The following ATG4C variants were observed in gnomAD, a reference collection of about 807,000 sequenced individuals.
ATG4C encodes the protein autophagy related 4C cysteine peptidase.
Under a neutral mutation model 57.6 loss-of-function variants are expected in ATG4C, and 56 were observed. The ratio of observed to expected loss-of-function variants is 0.97; its 90% CI spans 0.78 to 1.21. The LOEUF (loss-of-function observed/expected upper bound fraction) is 1.21. Among genes scored for constraint, ATG4C ranks in the 50% most tolerant of loss-of-function variants. ATG4C has a pLI of 0.00. For synonymous variants in ATG4C, 157 were observed against 174.1 expected (o/e 0.90, Z 0.78); for missense variants, 595 against 529.8 (o/e 1.12, Z -1.21).
At chr1:62,833,758 G>A (rs765327893) in intron 7 of ATG4C, among the ~76,000 whole-genome samples, 4 of 152,086 alleles carry the variant, frequency 2.6e-5, no homozygotes, top group South Asian at 4.1e-4. Flanking sequence ...ATTGCCTTAC[G>A]GTGGTAAAAT....
chr1:62,816,868 C>A, intron 4 of ATG4C, 60 bp downstream of exon 4: 2 of 1,276,274 alleles, frequency 1.6e-6, no homozygotes, highest in South Asian at 1.6e-5. Context: ...CGATATTTTT[C>A]CATTTGAATT....
chr1:62,789,429 A>T (rs1415998883), intron 1 of ATG4C, among the ~76,000 whole-genome samples: 6 of 152,226 alleles, frequency 3.9e-5, no homozygotes, highest in African/African-American at 1.4e-4. Flanking sequence ...AAGATGTTCC[A>T]GCCTCACCTT....
intron 1 of ATG4C, among the ~76,000 whole-genome samples, chr1:62,798,041 T>G (rs1266549896): frequency 6.6e-6 from 1 of 152,128 alleles, no homozygotes; most frequent in African/African-American, 2.4e-5. Context: ...AGGCAGGTCT[T>G]GAACTCCTGA....
intron 7 of ATG4C, among the ~76,000 whole-genome samples, chr1:62,829,764 C>A (rs531227901): frequency 1.3e-5 from 2 of 152,072 alleles, no homozygotes; most frequent in African/African-American, 4.8e-5. Flanking sequence ...GTTATGGTAT[C>A]TTGTTTTGGG....
intron 6 of ATG4C, among the ~76,000 whole-genome samples, chr1:62,827,798 T>C (rs1166423137): frequency 7.0e-5 from 7 of 99,582 alleles, no homozygotes; most frequent in Non-Finnish European, 1.3e-4. Flanking sequence ...TTTCTGCTCC[T>C]CTCTCTCCTC....
intron 10 of ATG4C, among the ~76,000 whole-genome samples, chr1:62,861,486 A>AGTGAGCC (rs1339633291): frequency 6.6e-6 from 1 of 151,920 alleles, no homozygotes; most frequent in East Asian, 1.9e-4. Flanking sequence ...TCGAGGCTGC[A>AGTGAGCC]GTGAGCCGTG....
chr1:62,814,328 A>C (rs1049227372), intron 3 of ATG4C, among the ~76,000 whole-genome samples: 3 of 152,198 alleles, frequency 2.0e-5, no homozygotes, highest in Non-Finnish European at 4.4e-5. Context: ...CATCCTTCTC[A>C]GCAGACTAAC....
At chr1:62,792,926 G>A (rs1206350964) in intron 1 of ATG4C, among the ~76,000 whole-genome samples, 1 of 149,860 alleles carries the variant, frequency 6.7e-6, no homozygotes, top group Non-Finnish European at 1.5e-5. Context: ...CTGCTCAGTC[G>A]CCCAGGCTGG....
rs938890134 is a variant in ATG4C, at chr1:62,864,658, G to T, written c.*499G>T. Reference sequence around the variant, plus strand: ...GATAATTAAATAGTATTTGTTAACTGTGATATGCATACACTTATATAAGCA... The same window carrying T: ...GATAATTAAATAGTATTTGTTAACTTTGATATGCATACACTTATATAAGCA... On this transcript the variant is annotated 3_prime_UTR_variant, in exon 11 of 11. Transcript: ENST00000317868. 8 of 153,778 alleles carry T rather than the reference G, an allele frequency of 5.2e-5. No individual in the cohort carries two copies. Among genetic ancestry groups the T allele is most frequent in the African/African-American group, 1.4e-4 (6 of 41,434 alleles). 9.5% of individuals were successfully genotyped at this position (153,778 alleles called of 1,614,324 possible).
chr1:62,843,857 CAT>C (rs1242367372), intron 10 of ATG4C, among the ~76,000 whole-genome samples: 1 of 152,034 alleles, frequency 6.6e-6, no homozygotes, highest in African/African-American at 2.4e-5. Flanking sequence ...ACATATATTA[CAT>C]TGAATATGGT....
chr1:62,816,624 C>T lies in ATG4C; in HGVS notation c.210C>T (p.His70=), dbSNP rs557383963. 2.6e-5 allele frequency: 42 copies of T among 1,613,548 alleles called. No homozygotes were observed. The highest frequency in any genetic ancestry group is 6.7e-5 in the East Asian group (3 of 44,864). ...AGTCGGGATGTACAATAGAGGATCA[C>T]GTAATTGCAGGAAATGTAGAAGAAT... ...PAESGCTIED[H]VIAGNVEEFR... Residue 70 remains histidine, a synonymous_variant, in exon 4 of 11, where the codon CAC becomes CAT. Transcript: ENST00000317868.
chr1:62,859,723 G>A (rs1468234309), intron 10 of ATG4C, among the ~76,000 whole-genome samples: 8 of 151,460 alleles, frequency 5.3e-5, no homozygotes, highest in Non-Finnish European at 2.9e-5. Context: ...TTGAGATGGA[G>A]TCTCGCTCTG....
intron 1 of ATG4C, among the ~76,000 whole-genome samples, chr1:62,795,930 A>G (rs999258918): frequency 6.6e-6 from 1 of 150,888 alleles, no homozygotes; most frequent in African/African-American, 2.5e-5. Context: ...GAAATTGTGA[A>G]GTATATTATT....
chr1:62,814,717 A>G (rs1254636441), intron 3 of ATG4C, among the ~76,000 whole-genome samples: 1 of 152,170 alleles, frequency 6.6e-6, no homozygotes, highest in East Asian at 1.9e-4. Flanking sequence ...TATAGGAAGT[A>G]CTAGCTGAGT....
intron 6 of ATG4C, among the ~76,000 whole-genome samples, chr1:62,824,267 G>A (rs74078338): frequency 0.021 from 3,155 of 152,230 alleles, 109 homozygotes; most frequent in African/African-American, 0.071. Flanking sequence ...AATGTGTGTC[G>A]AATGAAGATG....
intron 1 of ATG4C, among the ~76,000 whole-genome samples, chr1:62,794,504 C>G (rs942220625): frequency 2.0e-5 from 3 of 151,980 alleles, no homozygotes; most frequent in Non-Finnish European, 2.9e-5. Flanking sequence ...ATTAGTCTCT[C>G]TGCTATCAGC....
chr1:62,823,296 A>T (rs1665543039), intron 6 of ATG4C, among the ~76,000 whole-genome samples: 1 of 152,126 alleles, frequency 6.6e-6, no homozygotes, highest in African/African-American at 2.4e-5. Flanking sequence ...CCTCGGTCCC[A>T]CCCCTTTTTC....
At chr1:62,838,550 G>A (rs1352382083) in intron 9 of ATG4C, among the ~76,000 whole-genome samples, 4 of 152,152 alleles carry the variant, frequency 2.6e-5, no homozygotes, top group Non-Finnish European at 5.9e-5. Context: ...GGCCAAGGCA[G>A]GTGGATCACC....
At chr1:62,786,088 T>G (rs980415276) in intron 1 of ATG4C, among the ~76,000 whole-genome samples, 2 of 152,244 alleles carry the variant, frequency 1.3e-5, no homozygotes, top group Non-Finnish European at 2.9e-5. Context: ...ACTAAGCTAT[T>G]GAGTATTATT....
Sources: gnomAD v4.1 joint callset for allele counts (sites outside exome capture counted in the v4.1 genomes callset) on GRCh38, gnomAD v4.1.1 for gene constraint, MANE v1.5 for transcripts, NCBI Gene and HGNC (gene_info 2026-07-23, HGNC 2026-07-21) for gene names.